The following MGAT5 variants were observed in gnomAD, a reference collection of about 807,000 sequenced individuals.
MGAT5 encodes the protein alpha-1,6-mannosylglycoprotein 6-beta-N-acetylglucosaminyltransferase, also known as alpha-1,6-mannosylglycoprotein 6-beta-N-acetylglucosaminyltransferase A.
MGAT5 carries 30 observed loss-of-function variants against 94.3 expected under a neutral mutation model. The observed-to-expected ratio is 0.32, with a 90% CI of 0.24 to 0.43. The LOEUF is 0.43. Among genes scored for constraint, MGAT5 ranks in the 20% least tolerant of loss-of-function variants. The pLI is 1.00. For missense variants in MGAT5, 691 were observed against 905.5 expected (o/e 0.76, Z 3.04); for synonymous variants, 310 against 322.9 (o/e 0.96, Z 0.43).
chr2:134,351,246 T>C (rs1308334158), intron 9 of MGAT5, among the ~76,000 whole-genome samples: 1 of 152,172 alleles, frequency 6.6e-6, no homozygotes, highest in Non-Finnish European at 1.5e-5. Flanking sequence ...GCACGTTAGA[T>C]AACAGATGGC....
At chr2:134,424,424 C>T (rs1049933908) in intron 13 of MGAT5, among the ~76,000 whole-genome samples, 1 of 152,166 alleles carries the variant, frequency 6.6e-6, no homozygotes, top group Non-Finnish European at 1.5e-5. Context: ...ATTGATGATA[C>T]ATACAATCCC....
At chr2:134,274,477 GGATGTGATAGTTACAATCCTA>G (rs1267468713) in intron 2 of MGAT5, among the ~76,000 whole-genome samples, 5 of 136,670 alleles carry the variant, frequency 3.7e-5, no homozygotes, top group South Asian at 4.8e-4. Flanking sequence ...AGGCTTCATA[GGATGTGATAGTTACAATCCTA>G]GATGTGATAG....
chr2:134,274,475 T>C (rs1684222562), intron 2 of MGAT5, among the ~76,000 whole-genome samples: 2 of 138,196 alleles, frequency 1.4e-5, no homozygotes, highest in Admixed American at 7.0e-5. Context: ...GGAGGCTTCA[T>C]AGGATGTGAT....
At chr2:134,206,111 A>T (rs1573862481) in intron 1 of MGAT5, among the ~76,000 whole-genome samples, 1 of 152,218 alleles carries the variant, frequency 6.6e-6, no homozygotes, top group South Asian at 2.1e-4. Flanking sequence ...ACATTTGTGG[A>T]TGGAGTGTAC....
chr2:134,126,861 T>G (rs1414082873), intron 1 of MGAT5, among the ~76,000 whole-genome samples: 1 of 152,112 alleles, frequency 6.6e-6, no homozygotes, highest in East Asian at 1.9e-4. Flanking sequence ...ATAAGGAAGT[T>G]TGGTATCAGT....
chr2:134,241,398 T>C (rs1248977755), intron 1 of MGAT5, among the ~76,000 whole-genome samples: 1 of 152,250 alleles, frequency 6.6e-6, no homozygotes, highest in African/African-American at 2.4e-5. Context: ...ATGTAAGAAA[T>C]GCAAACATGG....
At chr2:134,349,202 G>T (rs747299182) in intron 8 of MGAT5, among the ~76,000 whole-genome samples, 4 of 152,136 alleles carry the variant, frequency 2.6e-5, no homozygotes, top group Non-Finnish European at 5.9e-5. Context: ...TGGTGGAATA[G>T]TAAACAAAAC....
chr2:134,174,274 C>T (rs1466786186), intron 1 of MGAT5, among the ~76,000 whole-genome samples: 2 of 152,240 alleles, frequency 1.3e-5, no homozygotes, highest in Non-Finnish European at 2.9e-5. Flanking sequence ...TGCCATGTTC[C>T]TGGTACAAGT....
At chr2:134,266,738 G>A (rs960797692) in intron 1 of MGAT5, among the ~76,000 whole-genome samples, 4 of 152,168 alleles carry the variant, frequency 2.6e-5, no homozygotes, top group Admixed American at 6.5e-5. Context: ...TGGGCTTGGC[G>A]TCATCTCTGT....
intron 1 of MGAT5, among the ~76,000 whole-genome samples, chr2:134,120,466 G>T (rs978335773): frequency 6.6e-6 from 1 of 151,900 alleles, no homozygotes; most frequent in African/African-American, 2.4e-5. Flanking sequence ...CGCCTGCGTG[G>T]GTGCCCCGGC....
chr2:134,238,064 T>C (rs564379865), intron 1 of MGAT5, among the ~76,000 whole-genome samples: 1 of 152,260 alleles, frequency 6.6e-6, no homozygotes, highest in Admixed American at 6.5e-5. Flanking sequence ...TTTTTCTTTT[T>C]CTAGACTTGT....
In MGAT5 at chr2:134,237,934, A is replaced by G. The variant is rs1335107735; in HGVS notation, c.-142-16328A>G. ...CTCAGCTAATTTTTGTATTTTTAGT[A>G]GAGATGGTGTTTCACCATGTTGGCC... On this transcript the variant is annotated intron_variant, in intron 1 of 16. Coordinates refer to the MGAT5 transcript ENST00000409645. 6.6e-5 allele frequency among the ~76,000 whole-genome samples: 10 copies of G among 151,982 alleles called. No homozygotes were observed. In the East Asian group the frequency reaches 1.7e-3, roughly 26 times the overall value.
chr2:134,199,208 T>G (rs113392811), intron 1 of MGAT5, among the ~76,000 whole-genome samples: 2 of 152,254 alleles, frequency 1.3e-5, no homozygotes, highest in Non-Finnish European at 2.9e-5. Context: ...AGTAACTGTC[T>G]TCCCTTCCTT....
chr2:134,419,975 C>T (rs1684205476), intron 12 of MGAT5, among the ~76,000 whole-genome samples: 1 of 152,166 alleles, frequency 6.6e-6, no homozygotes, highest in South Asian at 2.1e-4. Context: ...AAAATACAGG[C>T]ATAAATTCAG....
At chr2:134,229,015 C>T (rs1211234773) in intron 1 of MGAT5, among the ~76,000 whole-genome samples, 1 of 152,160 alleles carries the variant, frequency 6.6e-6, no homozygotes, top group Non-Finnish European at 1.5e-5. Flanking sequence ...TGCATTACTT[C>T]TTACTAGTCA....
At chr2:134,227,037 G>A (rs1013025673) in intron 1 of MGAT5, among the ~76,000 whole-genome samples, 11 of 148,102 alleles carry the variant, frequency 7.4e-5, no homozygotes, top group African/African-American at 2.7e-4. Flanking sequence ...TTCAAATGTT[G>A]GTAACTAATA....
At chr2:134,209,060 C>T (rs563021633) in intron 1 of MGAT5, among the ~76,000 whole-genome samples, 9 of 151,406 alleles carry the variant, frequency 5.9e-5, no homozygotes, top group African/African-American at 2.2e-4. Context: ...CTTGCAGTCA[C>T]TTGTCTTCCT....
chr2:134,289,393 CA>C (rs1685208640), intron 2 of MGAT5, among the ~76,000 whole-genome samples: 1 of 152,162 alleles, frequency 6.6e-6, no homozygotes, highest in South Asian at 2.1e-4. Flanking sequence ...GGCCCGGGCA[CA>C]AAGCCATCAG....
intron 12 of MGAT5, 96 bp from the exon 13 acceptor site, chr2:134,422,707 G>C: frequency 1.2e-6 from 1 of 860,426 alleles, no homozygotes; most frequent in South Asian, 1.4e-5. Context: ...TTACCTACAC[G>C]ATTATAACTC....
Sources: gnomAD v4.1 joint callset for allele counts (sites outside exome capture counted in the v4.1 genomes callset) on GRCh38, gnomAD v4.1.1 for gene constraint, MANE v1.5 for transcripts, NCBI Gene and HGNC (gene_info 2026-07-23, HGNC 2026-07-21) for gene names.